The following CWF19L2 variants were observed in gnomAD, a reference collection of about 807,000 sequenced individuals.
CWF19L2 encodes the protein CWF19-like protein 2.
Under a neutral mutation model 111.7 loss-of-function variants are expected in CWF19L2, and 98 were observed. The observed-to-expected ratio is 0.88, with a 90% CI of 0.75 to 1.04. The LOEUF is 1.04. Among genes scored for constraint, CWF19L2 ranks in the 50% least tolerant of loss-of-function variants. The pLI, the probability that CWF19L2 is intolerant of heterozygous loss-of-function variation, is 0.00. For missense variants in CWF19L2, 1,101 were observed against 1,051.4 expected (o/e 1.05, Z -0.65); for synonymous variants, 351 against 342.9 (o/e 1.02, Z -0.26).
intron 9 of CWF19L2, among the ~76,000 whole-genome samples, chr11:107,417,254 C>T (rs949338025): frequency 6.6e-6 from 1 of 152,148 alleles, no homozygotes; most frequent in African/African-American, 2.4e-5. Context: ...TGCTATTCTG[C>T]CATGTGCACT....
At position 107,369,674 on chromosome 11, in the gene CWF19L2, T is replaced by C. The variant is rs1025316750; in HGVS notation, c.1873-15938A>G. Among the ~76,000 whole-genome samples, 13 of 138,038 alleles carry C rather than the reference T, an allele frequency of 9.4e-5. 3 individuals are homozygous for C. The highest frequency in any genetic ancestry group is 1.7e-4 in the Non-Finnish European group (11 of 64,288). 90.6% of individuals were successfully genotyped at this position (138,038 alleles called of 152,430 possible). On this transcript the variant is annotated intron_variant, in intron 12 of 17. Coordinates refer to ENST00000282251, the MANE Select transcript of CWF19L2 (RefSeq NM_152434.3). ...AGTAAGGACACTGATTCCATACATT[T>C]TCAAAATTACTTTAAGATTTAAAAC... is the stretch of plus-strand genomic sequence containing the variant.
intron 7 of CWF19L2, among the ~76,000 whole-genome samples, 153 bp downstream of exon 7, chr11:107,433,481 T>C (rs1279778381): frequency 6.6e-6 from 1 of 152,088 alleles, no homozygotes; most frequent in East Asian, 1.9e-4. Flanking sequence ...ATATGATACA[T>C]GTTTAATAAT....
At chr11:107,390,377 C>T (rs892298627) in intron 11 of CWF19L2, among the ~76,000 whole-genome samples, 166 bp from the exon 12 acceptor site, 2 of 152,204 alleles carry the variant, frequency 1.3e-5, no homozygotes, top group African/African-American at 2.4e-5. Context: ...GAAAAAACTT[C>T]CATTAGAATT....
intron 10 of CWF19L2, among the ~76,000 whole-genome samples, chr11:107,415,973 T>C (rs1438037843): frequency 6.6e-6 from 1 of 152,064 alleles, no homozygotes; most frequent in East Asian, 1.9e-4. Flanking sequence ...GGCGCACACC[T>C]GTAGTACCAG....
intron 12 of CWF19L2, among the ~76,000 whole-genome samples, chr11:107,385,873 A>G (rs1450764363): frequency 1.3e-5 from 2 of 152,248 alleles, no homozygotes; most frequent in Admixed American, 6.5e-5. Flanking sequence ...CTGTTGCAGC[A>G]TAAGAGAGTT....
chr11:107,410,943 A>G (rs1193349588), intron 10 of CWF19L2, among the ~76,000 whole-genome samples: 1 of 152,202 alleles, frequency 6.6e-6, no homozygotes, highest in African/African-American at 2.4e-5. Flanking sequence ...CTGGTGGGAC[A>G]TAGCAAACCT....
At chr11:107,403,941 T>C in intron 10 of CWF19L2, 1 of 885,580 alleles carries the variant, frequency 1.1e-6, no homozygotes, top group Non-Finnish European at 1.9e-6. Flanking sequence ...ACCTGTCGTT[T>C]AAGGACCTGC....
At chr11:107,411,043 G>C (rs1861149061) in intron 10 of CWF19L2, among the ~76,000 whole-genome samples, 1 of 151,376 alleles carries the variant, frequency 6.6e-6, no homozygotes, top group Non-Finnish European at 1.5e-5. Flanking sequence ...CTCAGGCTTA[G>C]GTCTATGCTT....
chr11:107,340,792 ATG>A (rs1372386547), intron 14 of CWF19L2, among the ~76,000 whole-genome samples: 1 of 152,184 alleles, frequency 6.6e-6, no homozygotes, highest in African/African-American at 2.4e-5. Context: ...CATCTTTACT[ATG>A]TTGACTCTCC....
intron 9 of CWF19L2, among the ~76,000 whole-genome samples, chr11:107,417,601 C>T (rs1298640771): frequency 6.6e-6 from 1 of 152,026 alleles, no homozygotes; most frequent in African/African-American, 2.4e-5. Context: ...CTTAAATATG[C>T]TCAATGAGTT....
chr11:107,419,285 C>G (rs1417888302), intron 8 of CWF19L2, among the ~76,000 whole-genome samples: 2 of 152,036 alleles, frequency 1.3e-5, no homozygotes, highest in African/African-American at 4.8e-5. Flanking sequence ...TCTGGGCCCA[C>G]CTAAAAAATG....
At chr11:107,413,446 T>TGTAA (rs1861185839) in intron 10 of CWF19L2, among the ~76,000 whole-genome samples, 1 of 152,168 alleles carries the variant, frequency 6.6e-6, no homozygotes, top group African/African-American at 2.4e-5. Context: ...ACTGGTTATG[T>TGTAA]GTAAGTCTTG....
chr11:107,452,786 T>C (rs1479926775), intron 3 of CWF19L2, among the ~76,000 whole-genome samples: 2 of 151,984 alleles, frequency 1.3e-5, no homozygotes, highest in Non-Finnish European at 2.9e-5. Flanking sequence ...AGCCCAGGAG[T>C]TCGAGACCAG....
intron 16 of CWF19L2, 106 bp downstream of exon 16, chr11:107,334,775 C>T (rs1859897468): frequency 1.3e-6 from 1 of 750,850 alleles, no homozygotes; most frequent in Non-Finnish European, 2.3e-6. Context: ...AGTAATTTCG[C>T]CTTCAGTCAC....
At chr11:107,414,294 A>C (rs1327347722) in intron 10 of CWF19L2, among the ~76,000 whole-genome samples, 1 of 151,970 alleles carries the variant, frequency 6.6e-6, no homozygotes, top group Non-Finnish European at 1.5e-5. Context: ...CCTGGCCTCA[A>C]ACAATCCTCC....
At chr11:107,365,466 C>T (rs2134564533) in intron 12 of CWF19L2, among the ~76,000 whole-genome samples, 1 of 84,646 alleles carries the variant, frequency 1.2e-5, no homozygotes, top group Admixed American at 1.3e-4. Context: ...CATCAAAAAG[C>T]TTATCCACCA....
intron 14 of CWF19L2, among the ~76,000 whole-genome samples, chr11:107,338,581 G>A (rs150201310): frequency 2.8e-3 from 420 of 151,976 alleles, no homozygotes; most frequent in African/African-American, 9.2e-3. Flanking sequence ...CCCACCCACC[G>A]ACAGGCTCCA....
At position 107,371,050 on chromosome 11, in the gene CWF19L2, G is replaced by A. The variant is rs1359318588; in HGVS notation, c.1873-17314C>T. Among the ~76,000 whole-genome samples, 2 of 97,208 alleles carry A rather than the reference G, an allele frequency of 2.1e-5. 1 individual carries two copies. The highest frequency in any genetic ancestry group is 3.7e-5 in the Non-Finnish European group (2 of 53,678). 63.8% of individuals were successfully genotyped at this position (97,208 alleles called of 152,430 possible). ...TTTTTTTGAGACGGAGTCTCACTCT[G>A]TCGCCCAGGCTGGAGTGCAGTGGTG... On this transcript the variant is annotated intron_variant, in intron 12 of 17. Coordinates refer to ENST00000282251, the MANE Select transcript of CWF19L2 (RefSeq NM_152434.3).
Position 107,368,106 on chromosome 11 carries a change from A to G in CWF19L2, c.1873-14370T>C. 2.6e-5 allele frequency among the ~76,000 whole-genome samples: 2 copies of G among 75,560 alleles called. 1 individual carries two copies. The highest frequency in any genetic ancestry group is 7.3e-4 in the East Asian group (2 of 2,738). The allele number at this position is 75,560 out of a possible 152,430, so 49.6% of individuals were successfully genotyped here. ...AGAAGAAAAGAGAGATCCGGGCAGA[A>G]TAAATTGAGACCCCCCCCCACACAA... On this transcript the variant is annotated intron_variant, in intron 12 of 17. Transcript: ENST00000282251.
Sources: allele counts gnomAD v4.1 joint callset (sites outside exome capture counted in the v4.1 genomes callset), GRCh38; gene constraint gnomAD v4.1.1; transcripts MANE v1.5; gene names NCBI Gene and HGNC (gene_info 2026-07-23, HGNC 2026-07-21).